The following EXOC6B variants were observed in gnomAD, a reference collection of about 807,000 sequenced individuals.
The protein encoded by EXOC6B is exocyst complex component 6B, also known as SEC15 homolog B.
EXOC6B carries 54 observed loss-of-function variants against 113.5 expected under a neutral mutation model. The observed-to-expected ratio is 0.48, with a 90% CI of 0.38 to 0.60. EXOC6B has a LOEUF of 0.60. EXOC6B is among the 20% of genes least tolerant of loss of function. EXOC6B has a pLI of 0.00. For missense variants in EXOC6B, 797 were observed against 977.5 expected (o/e 0.82, Z 2.46); for synonymous variants, 357 against 339.0 (o/e 1.05, Z -0.58).
At chr2:72,407,071 A>G (rs1693827954) in intron 18 of EXOC6B, among the ~76,000 whole-genome samples, 1 of 152,242 alleles carries the variant, frequency 6.6e-6, no homozygotes. Context: ...CTACCATCAG[A>G]GAATACTATA....
At chr2:72,494,865 C>T (rs1011631945) in intron 15 of EXOC6B, among the ~76,000 whole-genome samples, 1 of 151,916 alleles carries the variant, frequency 6.6e-6, no homozygotes, top group African/African-American at 2.4e-5. Context: ...GTGAATAAAC[C>T]AATACATGAA....
chr2:72,253,945 G>C (rs1683184548), intron 20 of EXOC6B, among the ~76,000 whole-genome samples: 1 of 152,148 alleles, frequency 6.6e-6, no homozygotes, highest in Non-Finnish European at 1.5e-5. Flanking sequence ...TGGATCACAA[G>C]GTCAGGAGAT....
chr2:72,602,038 G>A (rs1333022683), intron 6 of EXOC6B, among the ~76,000 whole-genome samples: 2 of 152,286 alleles, frequency 1.3e-5, no homozygotes, highest in African/African-American at 2.4e-5. Context: ...ATGAATGAGA[G>A]AGAATGTTCT....
At chr2:72,443,715 TCC>T (rs1404376297) in intron 18 of EXOC6B, among the ~76,000 whole-genome samples, 1 of 152,062 alleles carries the variant, frequency 6.6e-6, no homozygotes, top group Non-Finnish European at 1.5e-5. Context: ...GCAGGGGAAC[TCC>T]CCTTTTTAAA....
At chr2:72,217,959 G>C (rs1397106096) in intron 20 of EXOC6B, among the ~76,000 whole-genome samples, 1 of 152,084 alleles carries the variant, frequency 6.6e-6, no homozygotes, top group East Asian at 1.9e-4. Flanking sequence ...ATTCAAACAA[G>C]ATAATTAAAG....
chr2:72,400,621 A>G (rs1252442367), intron 18 of EXOC6B, among the ~76,000 whole-genome samples: 2 of 151,778 alleles, frequency 1.3e-5, no homozygotes, highest in African/African-American at 4.8e-5. Context: ...CCATTAAAAA[A>G]TCGGCAAAGG....
chr2:72,350,213 T>C (rs970469189), intron 19 of EXOC6B, among the ~76,000 whole-genome samples: 7 of 152,224 alleles, frequency 4.6e-5, no homozygotes, highest in African/African-American at 1.7e-4. Flanking sequence ...GTCTTCATTA[T>C]TAAAGACCGT....
Position 72,255,811 on chromosome 2 carries a change from T to C in EXOC6B, c.2197-71624A>G, listed in dbSNP as rs532096655. Among the ~76,000 whole-genome samples the C allele has an allele frequency of 3.3e-5, 5 of 152,308 alleles. 1 individual carries two copies. The highest frequency in any genetic ancestry group is 5.9e-5 in the Non-Finnish European group (4 of 68,044). On this transcript the variant is annotated intron_variant, in intron 20 of 21. Coordinates refer to ENST00000272427, the MANE Select transcript of EXOC6B (RefSeq NM_015189.3). ...TTTAGACTTAGAGTTAATGCAATAA[T>C]GGATTGAGACTTCTGGGGATGTGGG...
chr2:72,381,582 C>T (rs770033475), intron 18 of EXOC6B, among the ~76,000 whole-genome samples: 3 of 151,948 alleles, frequency 2.0e-5, no homozygotes, highest in Non-Finnish European at 4.4e-5. Context: ...TTAAAATTTA[C>T]ATAATTTTAT....
rs867229167 is a variant in EXOC6B, at chr2:72,643,563, T to C, written c.670-67895A>G. Reference sequence around the variant, plus strand: ...TCACTCATAGGTGGGAAGTGAACAATGAGAACACATGGACACAGGAAGGGG... The same window carrying C: ...TCACTCATAGGTGGGAAGTGAACAACGAGAACACATGGACACAGGAAGGGG... On this transcript the variant is annotated intron_variant, in intron 6 of 21. Coordinates refer to ENST00000272427, the MANE Select transcript of EXOC6B (RefSeq NM_015189.3). Among the ~76,000 whole-genome samples, 344 of 140,104 alleles carry C rather than the reference T, an allele frequency of 2.5e-3. 4 individuals carry two copies. The highest frequency in any genetic ancestry group is 8.6e-3 in the African/African-American group (322 of 37,336). 91.9% of individuals were successfully genotyped at this position (140,104 alleles called of 152,430 possible). A position where few individuals can be genotyped will look rare whatever the true frequency, so the allele number is the denominator to read the frequency against.
At chr2:72,776,612 G>A (rs908948416) in intron 1 of EXOC6B, among the ~76,000 whole-genome samples, 1 of 149,220 alleles carries the variant, frequency 6.7e-6, no homozygotes, top group African/African-American at 2.5e-5. Flanking sequence ...AGACAGCCAG[G>A]TCTCAAAAAA....
At chr2:72,774,676 C>CA (rs1683596041) in intron 1 of EXOC6B, among the ~76,000 whole-genome samples, 1 of 152,082 alleles carries the variant, frequency 6.6e-6, no homozygotes, top group African/African-American at 2.4e-5. Flanking sequence ...CTCCTCCTGA[C>CA]AAAAAATATG....
intron 1 of EXOC6B, among the ~76,000 whole-genome samples, chr2:72,761,850 T>C (rs1169403461): frequency 1.3e-5 from 2 of 152,062 alleles, no homozygotes; most frequent in African/African-American, 2.4e-5. Flanking sequence ...TGGTAGCATA[T>C]GCCTGTAATC....
chr2:72,216,076 T>C (rs1480887399), intron 20 of EXOC6B, among the ~76,000 whole-genome samples: 1 of 151,068 alleles, frequency 6.6e-6, no homozygotes, highest in East Asian at 2.0e-4. Context: ...ACTGCTTAGG[T>C]AGGAAAACGA....
At position 72,825,826 on chromosome 2, in the gene EXOC6B, C is replaced by T. The variant is rs772181984; in HGVS notation, c.85G>A (p.Asp29Asn). ...AGCGTGGGCCCGATGCAGGCCGTGTCAGTGCTCTCGATCTCTCGCAGGATC... is the reference window on the plus strand; with the variant it reads ...AGCGTGGGCCCGATGCAGGCCGTGTTAGTGCTCTCGATCTCTCGCAGGATC... ...ERILREIEST[D>N]TACIGPTLRS... Residue 29 changes from aspartate (D) to asparagine (N), a missense_variant, in exon 1 of 22, where the codon GAC (aspartate) becomes AAC (asparagine). Physicochemically the swap from Asp to Asn is conservative, Grantham distance 23. Coordinates refer to ENST00000272427, the MANE Select transcript of EXOC6B (RefSeq NM_015189.3). This position sits in a 1 kb window ranked among gnomAD's most constrained non-coding sequence, Gnocchi z 4.4. The T allele has an allele frequency of 7.4e-6, 12 of 1,613,180 alleles. No individual in the cohort carries two copies. The highest frequency in any genetic ancestry group is 3.3e-5 in the Admixed American group (2 of 60,006).
intron 5 of EXOC6B, chr2:72,722,074 T>C (rs969746403): frequency 6.7e-6 from 1 of 149,322 alleles, no homozygotes; most frequent in Admixed American, 6.7e-5. Context: ...CTTACACATA[T>C]AAATTATGAA....
chr2:72,435,724 G>T (rs4364044), intron 18 of EXOC6B, among the ~76,000 whole-genome samples: 33,200 of 144,252 alleles, frequency 0.23, 6,011 homozygotes, highest in African/African-American at 0.5. Context: ...CTTTTTTTTT[G>T]TTTTTTTTTT....
chr2:72,299,528 T>C (rs1177447019), intron 20 of EXOC6B, among the ~76,000 whole-genome samples: 1 of 152,064 alleles, frequency 6.6e-6, no homozygotes, highest in Non-Finnish European at 1.5e-5. Flanking sequence ...TTCTGTCAAT[T>C]TGTCAAACTC....
chr2:72,297,933 G>A (rs13384541), intron 20 of EXOC6B, among the ~76,000 whole-genome samples: 2,785 of 152,270 alleles, frequency 0.018, 100 homozygotes, highest in African/African-American at 0.064. Context: ...AAGAATAAGT[G>A]CAATGTGGTG....
Sources: gnomAD v4.1 joint callset for allele counts (sites outside exome capture counted in the v4.1 genomes callset) on GRCh38, gnomAD v4.1.1 for gene constraint, Gnocchi (gnomAD v3.1) non-coding constraint, MANE v1.5 for transcripts, NCBI Gene and HGNC (gene_info 2026-07-23, HGNC 2026-07-21) for gene names.